Variants in SETBP1 observed in about 807,000 individuals in gnomAD.
SETBP1 encodes the protein SET binding protein 1, also known as SET-binding protein.
SETBP1 carries 9 observed loss-of-function variants against 101.0 expected under a neutral mutation model. That is an observed-to-expected ratio of 0.09 (90% CI 0.05 to 0.16). The LOEUF (loss-of-function observed/expected upper bound fraction) is 0.16, where lower values mean the gene tolerates loss of function less well. SETBP1 is among the 10% of genes least tolerant of loss of function. The pLI is 1.00. For missense variants in SETBP1, 1,858 were observed against 2,033.8 expected (o/e 0.91, Z 1.66); for synonymous variants, 818 against 788.5 (o/e 1.04, Z -0.63).
intron 2 of SETBP1, among the ~76,000 whole-genome samples, chr18:44,863,656 G>A (rs1430702523): frequency 1.3e-5 from 2 of 152,148 alleles, no homozygotes; most frequent in Non-Finnish European, 2.9e-5. Flanking sequence ...AAGAGGAGAG[G>A]TGAAGTAGGA....
chr18:44,979,479 G>A (rs2072064470), intron 4 of SETBP1, among the ~76,000 whole-genome samples: 1 of 152,172 alleles, frequency 6.6e-6, no homozygotes, highest in Admixed American at 6.5e-5. Flanking sequence ...TTTCTGTATA[G>A]TATTATCCTC....
chr18:44,896,220 G>C (rs539151509), intron 3 of SETBP1, among the ~76,000 whole-genome samples: 1 of 152,262 alleles, frequency 6.6e-6, no homozygotes, highest in African/African-American at 2.4e-5. Flanking sequence ...TTGGAAAGTG[G>C]CTTGGAGGTC....
intron 3 of SETBP1, among the ~76,000 whole-genome samples, chr18:44,949,110 C>G (rs1265865905): frequency 6.6e-6 from 1 of 152,198 alleles, no homozygotes. Context: ...ATGCTAACCC[C>G]CAAACAGAGC....
At chr18:44,847,748 A>G (rs996855471) in intron 2 of SETBP1, among the ~76,000 whole-genome samples, 5 of 152,246 alleles carry the variant, frequency 3.3e-5, no homozygotes, top group East Asian at 1.9e-4. Context: ...AGTAACAAAT[A>G]TAGAATAAAA....
At chr18:44,887,611 A>T (rs545509220) in intron 3 of SETBP1, among the ~76,000 whole-genome samples, 1 of 152,306 alleles carries the variant, frequency 6.6e-6, no homozygotes, top group African/African-American at 2.4e-5. Context: ...GTGGCAGGAA[A>T]ACAGACTGTA....
intron 2 of SETBP1, among the ~76,000 whole-genome samples, chr18:44,716,330 C>T (rs2069463062): frequency 6.6e-6 from 1 of 151,568 alleles, no homozygotes; most frequent in South Asian, 2.1e-4. Flanking sequence ...AGGAGAAAAA[C>T]AAAACAAAAC....
At chr18:44,962,443 G>A (rs1319440215) in intron 4 of SETBP1, among the ~76,000 whole-genome samples, 1 of 152,166 alleles carries the variant, frequency 6.6e-6, no homozygotes, top group East Asian at 1.9e-4. Context: ...TGCTGAGTGT[G>A]AGATGTTTTG....
rs1186339362 is a variant in SETBP1, at chr18:45,063,534, C to T, written c.4627C>T (p.Pro1543Ser). 8 of 1,427,736 alleles carry T rather than the reference C, an allele frequency of 5.6e-6. No individual in the cohort carries two copies. Among genetic ancestry groups the T allele is most frequent in the Non-Finnish European group, 7.4e-6 (8 of 1,075,868 alleles). 88.4% of individuals were successfully genotyped at this position (1,427,736 alleles called of 1,614,324 possible). A position where few individuals can be genotyped will look rare whatever the true frequency, so the allele number is the denominator to read the frequency against. Reference sequence around the variant, plus strand: ...GCCACCACCCCTGCCCCCGCCACCCCCTCTACCCAAGACCCCCCGAGGCGG... The same window carrying T: ...GCCACCACCCCTGCCCCCGCCACCCTCTCTACCCAAGACCCCCCGAGGCGG... Reference protein sequence around the residue: ...PPPPPLPPPPPLPKTPRGGKR... With the variant: ...PPPPPLPPPPSLPKTPRGGKR... The change falls in exon 6 of 6, where the codon CCT (proline) becomes TCT (serine). Residue 1543 changes from proline to serine, a missense_variant. By Grantham distance (74) the Pro-to-Ser change is moderately conservative (BLOSUM62 -1). Around this residue, in one of 12 missense-constraint regions of SETBP1, gnomAD observed 178 missense variants for 189.1 expected, o/e 0.94. Coordinates refer to ENST00000649279, the MANE Select transcript of SETBP1 (RefSeq NM_015559.3).
At chr18:44,737,807 C>T (rs2070003955) in intron 2 of SETBP1, among the ~76,000 whole-genome samples, 1 of 152,148 alleles carries the variant, frequency 6.6e-6, no homozygotes, top group African/African-American at 2.4e-5. Context: ...TGGGCCTTTC[C>T]AACCCGATTG....
intron 1 of SETBP1, among the ~76,000 whole-genome samples, chr18:44,683,609 T>C (rs1479733334): frequency 6.6e-6 from 1 of 152,196 alleles, no homozygotes; most frequent in Non-Finnish European, 1.5e-5. Flanking sequence ...CAATCTCTGC[T>C]CCAAAGCTTC....
At chr18:45,028,157 C>T (rs1249256646) in intron 4 of SETBP1, among the ~76,000 whole-genome samples, 1 of 119,986 alleles carries the variant, frequency 8.3e-6, no homozygotes, top group Non-Finnish European at 1.7e-5. Flanking sequence ...GCTATCCCTC[C>T]CCCTCCCCCC....
At chr18:44,693,320 AGGTCTTACCCTTC>A (rs912243674) in intron 1 of SETBP1, among the ~76,000 whole-genome samples, 3 of 152,238 alleles carry the variant, frequency 2.0e-5, no homozygotes, top group African/African-American at 7.2e-5. Flanking sequence ...AAATAGGCAC[AGGTCTTACCCTTC>A]AAGGGCTTAT....
intron 3 of SETBP1, among the ~76,000 whole-genome samples, chr18:44,918,393 T>C (rs933843527): frequency 6.6e-6 from 1 of 152,220 alleles, no homozygotes; most frequent in African/African-American, 2.4e-5. Flanking sequence ...AAAGGCTTCC[T>C]CGGCAGCGGC....
intron 3 of SETBP1, among the ~76,000 whole-genome samples, chr18:44,937,070 T>C (rs1273188114): frequency 1.3e-5 from 2 of 152,214 alleles, no homozygotes; most frequent in African/African-American, 4.8e-5. Flanking sequence ...ATAAAATAGC[T>C]ATATTTATAT....
At position 44,990,580 on chromosome 18, in the gene SETBP1, A is replaced by C. The variant is rs181140326; in HGVS notation, c.4000+37240A>C. On this transcript the variant is annotated intron_variant, in intron 4 of 5. Transcript: ENST00000649279. ...GCACTCCTGCCTGGGCAACAGAGAA[A>C]GACCTTGTCTCAAAAAACAAACAAA... Among the ~76,000 whole-genome samples the C allele has an allele frequency of 3.0e-3, 449 of 151,914 alleles. 4 individuals are homozygous for C. Among genetic ancestry groups the C allele is most frequent in the African/African-American group, 0.01 (423 of 41,406 alleles).
intron 3 of SETBP1, among the ~76,000 whole-genome samples, chr18:44,874,429 A>T (rs1018309474): frequency 6.6e-6 from 1 of 152,146 alleles, no homozygotes; most frequent in Non-Finnish European, 1.5e-5. Context: ...AAGGTTCCTC[A>T]ATGGGTAGAA....
rs567395114 is a variant in SETBP1, at chr18:44,968,821, T to G, written c.4000+15481T>G. Among the ~76,000 whole-genome samples, 3 of 152,348 alleles carry G rather than the reference T, an allele frequency of 2.0e-5. No homozygotes were observed. The East Asian group carries it at 5.8e-4, about 29-fold the overall frequency. ...GCAAGACACACCAGCAACCAAAACCTGTTTGTCATCCAGGAATAGCCTGCA... is the reference window on the plus strand; with the variant it reads ...GCAAGACACACCAGCAACCAAAACCGGTTTGTCATCCAGGAATAGCCTGCA... On this transcript the variant is annotated intron_variant, in intron 4 of 5. Transcript: ENST00000649279.
intron 2 of SETBP1, among the ~76,000 whole-genome samples, chr18:44,834,383 T>C (rs2072447207): frequency 6.6e-6 from 1 of 152,178 alleles, no homozygotes; most frequent in African/African-American, 2.4e-5. Context: ...TATGGTTAAT[T>C]GCTAAGTACG....
chr18:44,849,162 A>G (rs1232333477), intron 2 of SETBP1, among the ~76,000 whole-genome samples: 2 of 152,228 alleles, frequency 1.3e-5, no homozygotes, highest in Non-Finnish European at 2.9e-5. Flanking sequence ...AAATTGGCAC[A>G]GAGCCCGTAT....
Sources: gnomAD v4.1 joint callset for allele counts (sites outside exome capture counted in the v4.1 genomes callset) on GRCh38, gnomAD v4.1.1 for gene constraint, gnomAD v4.1.1 regional missense constraint, MANE v1.5 for transcripts, NCBI Gene and HGNC (gene_info 2026-07-23, HGNC 2026-07-21) for gene names.